The following SYNPO variants were observed in gnomAD, a reference collection of about 807,000 sequenced individuals.
SYNPO encodes the protein synaptopodin.
A neutral mutation model predicts 49.5 loss-of-function variants in SYNPO; 19 were observed. That is an observed-to-expected ratio of 0.38 (90% CI 0.27 to 0.56). The LOEUF is 0.56. Among genes scored for constraint, SYNPO ranks in the 20% least tolerant of loss-of-function variants. The pLI, the probability that SYNPO is intolerant of heterozygous loss-of-function variation, is 0.68. For synonymous variants in SYNPO, 536 were observed against 548.0 expected (o/e 0.98, Z 0.31); for missense variants, 1,131 against 1,248.3 (o/e 0.91, Z 1.42).
upstream of SYNPO, among the ~76,000 whole-genome samples, chr5:150,639,081 A>G (rs1014890136): frequency 6.6e-6 from 1 of 152,158 alleles, no homozygotes; most frequent in Non-Finnish European, 1.5e-5. Context: ...CTGATTATAG[A>G]TTAATAATTA....
At chr5:150,594,046 ACC>A in the SYNPO span, among the ~76,000 whole-genome samples, 3 of 152,108 alleles carry the variant, frequency 2.0e-5, no homozygotes, top group Admixed American at 2.0e-4. Flanking sequence ...GGAGGGGCTT[ACC>A]CTGCACGGCT....
At position 150,658,503 on chromosome 5, in the gene SYNPO, G is replaced by A. The variant is rs28197; in HGVS notation, c.*1416G>A. Reference sequence around the variant, plus strand: ...CCTAAACCTTGGTGGCTGTGATTCAGGTCCCCAGGGGGGACTCAGGGAGGA... The same window carrying A: ...CCTAAACCTTGGTGGCTGTGATTCAAGTCCCCAGGGGGGACTCAGGGAGGA... On this transcript the variant is annotated 3_prime_UTR_variant, in exon 3 of 3. Coordinates refer to ENST00000307662, the MANE Select transcript of SYNPO (RefSeq NM_007286.6). 69,643 of 152,224 alleles carry A rather than the reference G, an allele frequency of 0.46. 16,168 individuals are homozygous for A. The highest frequency in any genetic ancestry group is 0.48 in the Admixed American group (7,351 of 15,284). The allele number at this position is 152,224 out of a possible 1,614,324, so 9.4% of individuals were successfully genotyped here.
upstream of SYNPO, among the ~76,000 whole-genome samples, chr5:150,636,422 C>A (rs562660249): frequency 6.6e-6 from 1 of 152,352 alleles, no homozygotes; most frequent in Admixed American, 6.5e-5. Context: ...CCAGTCCAAT[C>A]CCTCCTTTGG....
intron 2 of SYNPO, chr5:150,651,367 C>A: frequency 1.0e-6 from 1 of 1,000,428 alleles, no homozygotes. Context: ...TCAGTTTTAT[C>A]ATTTATACAA....
chr5:150,647,998 G>A lies in SYNPO; in HGVS notation c.-278G>A, dbSNP rs377167664. The stretch of plus-strand genomic sequence containing the variant: ...AAGGATCTGAAAGAAGCCAAGGCGC[G>A]GAGCCAGCAGATTGCAGCCCAGCTG... On this transcript the variant is annotated 5_prime_UTR_variant, in exon 2 of 3. Coordinates refer to ENST00000307662, the MANE Select transcript of SYNPO (RefSeq NM_007286.6). 8.4e-6 allele frequency: 13 copies of A among 1,551,838 alleles called. No homozygotes were observed. Among genetic ancestry groups the A allele is most frequent in the East Asian group, 2.4e-5 (1 of 41,048 alleles).
In SYNPO at chr5:150,648,709, C is replaced by T; in HGVS notation, c.434C>T (p.Ala145Val). Residue 145 changes from alanine to valine, a missense_variant, in exon 2 of 3, where the codon GCA becomes GTA. This residue lies in a region of SYNPO where 602 missense variants were observed against 720.7 expected (regional missense o/e 0.84). Transcript: ENST00000307662. The surrounding 1 kb of genome is among the most constrained non-coding windows in gnomAD (Gnocchi z 5.0). The part of the protein sequence containing the change: ...STLCADGQPQ[A>V]PAEEVRCSTL... ...CTGTGTGCTGATGGGCAACCCCAGGCACCGGCTGAGGAGGTGAGATGCAGC... is the reference window on the plus strand; with the variant it reads ...CTGTGTGCTGATGGGCAACCCCAGGTACCGGCTGAGGAGGTGAGATGCAGC... The T allele has an allele frequency of 6.2e-7, 1 of 1,614,230 alleles. No homozygotes were observed. The highest frequency in any genetic ancestry group is 1.1e-5 in the South Asian group (1 of 91,086).
intron 2 of SYNPO, among the ~76,000 whole-genome samples, chr5:150,630,284 T>C (rs1232199565): frequency 6.6e-6 from 1 of 152,148 alleles, no homozygotes; most frequent in African/African-American, 2.4e-5. Flanking sequence ...ACCGCCACCA[T>C]TGTACAGTTA....
chr5:150,618,651 A>G (rs1757051682), exon 2 of SYNPO: 1 of 1,550,972 alleles, frequency 6.4e-7, no homozygotes, highest in Non-Finnish European at 8.7e-7. Context: ...AGAGAGGAAC[A>G]AGGGGCGTCC....
chr5:150,596,232 C>T (rs79055466), upstream of SYNPO, among the ~76,000 whole-genome samples: 1 of 152,106 alleles, frequency 6.6e-6, no homozygotes, highest in Non-Finnish European at 1.5e-5. Flanking sequence ...GAGGGGGTCA[C>T]CCTGCCTACT....
At chr5:150,586,073 G>T in the SYNPO span, among the ~76,000 whole-genome samples, 3 of 152,260 alleles carry the variant, frequency 2.0e-5, no homozygotes, top group African/African-American at 4.8e-5. Context: ...TTGGCATCAG[G>T]TTCCCTGCTG....
chr5:150,646,491 G>A (rs1252503834), intron 1 of SYNPO, among the ~76,000 whole-genome samples: 1 of 152,088 alleles, frequency 6.6e-6, no homozygotes, highest in African/African-American at 2.4e-5. Context: ...AGACTGAGGT[G>A]GGCGGATCAC....
chr5:150,635,113 A>T (rs1362239772), intron 2 of SYNPO, among the ~76,000 whole-genome samples: 2 of 152,208 alleles, frequency 1.3e-5, no homozygotes, highest in Non-Finnish European at 2.9e-5. Flanking sequence ...CAGGAAGGAA[A>T]CACATACGTC....
the SYNPO span, among the ~76,000 whole-genome samples, chr5:150,586,218 C>T: frequency 3.3e-5 from 5 of 152,222 alleles, no homozygotes; most frequent in African/African-American, 7.2e-5. Context: ...TGACAGCTGT[C>T]TCTCTAGGGT....
intron 2 of SYNPO, among the ~76,000 whole-genome samples, chr5:150,631,441 G>C (rs142461041): frequency 6.6e-6 from 1 of 152,330 alleles, no homozygotes; most frequent in African/African-American, 2.4e-5. Flanking sequence ...CCAGTGCAGA[G>C]GCCCTGAGGG....
intron 1 of SYNPO, among the ~76,000 whole-genome samples, chr5:150,608,916 G>T (rs1332452372): frequency 1.3e-5 from 2 of 152,140 alleles, no homozygotes; most frequent in Non-Finnish European, 2.9e-5. Flanking sequence ...GCGTGGTTAG[G>T]GTTCCCACTC....
chr5:150,613,069 G>A (rs1319267268), intron 1 of SYNPO, among the ~76,000 whole-genome samples: 2 of 152,224 alleles, frequency 1.3e-5, no homozygotes, highest in African/African-American at 4.8e-5. Flanking sequence ...ATGAGCCACT[G>A]GTCCTGGCCT....
Position 150,648,208 on chromosome 5 carries a change from T to C in SYNPO, c.-68T>C, listed in dbSNP as rs1221552688. On this transcript the variant is annotated 5_prime_UTR_variant, in exon 2 of 3. Transcript: ENST00000307662. The surrounding 1 kb of genome is among the most constrained non-coding windows in gnomAD (Gnocchi z 5.0). Reference sequence around the variant, plus strand: ...GGGCTCAGCCTGAGTTCCACCTCGCTGCCGGAGCCAGGCCCTCCACGGCAC... The same window carrying C: ...GGGCTCAGCCTGAGTTCCACCTCGCCGCCGGAGCCAGGCCCTCCACGGCAC... 5 of 1,602,176 alleles carry C rather than the reference T, an allele frequency of 3.1e-6. No individual in the cohort carries two copies. Among genetic ancestry groups the C allele is most frequent in the Non-Finnish European group, 4.3e-6 (5 of 1,174,072 alleles).
chr5:150,638,473 CA>C (rs1267485165), upstream of SYNPO, among the ~76,000 whole-genome samples: 2 of 152,216 alleles, frequency 1.3e-5, no homozygotes, highest in Non-Finnish European at 2.9e-5. Context: ...AATGGTGAAG[CA>C]AAATGTGAAG....
At chr5:150,588,852 G>C in the SYNPO span, among the ~76,000 whole-genome samples, 1 of 151,998 alleles carries the variant, frequency 6.6e-6, no homozygotes, top group African/African-American at 2.4e-5. Context: ...CAAAAAAAAG[G>C]CAGCAAACAA....
Sources: gnomAD v4.1 joint callset for allele counts (sites outside exome capture counted in the v4.1 genomes callset) on GRCh38, gnomAD v4.1.1 for gene constraint, gnomAD v4.1.1 regional missense constraint, Gnocchi (gnomAD v3.1) non-coding constraint, MANE v1.5 for transcripts, NCBI Gene and HGNC (gene_info 2026-07-23, HGNC 2026-07-21) for gene names.